Variants in ANO2 observed in about 807,000 individuals in gnomAD.
ANO2 encodes the protein anoctamin-2.
A neutral mutation model predicts 124.2 loss-of-function variants in ANO2; 101 were observed. The observed-to-expected ratio is 0.81, with a 90% CI of 0.69 to 0.96. The LOEUF is 0.96. ANO2 is among the 40% of genes least tolerant of loss of function. The pLI, the probability that ANO2 is intolerant of heterozygous loss-of-function variation, is 0.00. For missense variants in ANO2, 1,293 were observed against 1,274.5 expected, an observed-to-expected ratio of 1.01 and a Z score of -0.22; for synonymous variants, 486 against 482.5, an observed-to-expected ratio of 1.01 and a Z score of -0.09.
intron 16 of ANO2, among the ~76,000 whole-genome samples, chr12:5,617,486 C>T (rs1358481787): frequency 1.3e-5 from 2 of 151,704 alleles, no homozygotes; most frequent in Admixed American, 6.6e-5. Context: ...TTACGTCGTA[C>T]CGCACTCTCC....
chr12:5,917,750 G>A (rs1941469159), intron 3 of ANO2, among the ~76,000 whole-genome samples: 4 of 151,742 alleles, frequency 2.6e-5, no homozygotes, highest in Admixed American at 2.0e-4. Flanking sequence ...TGTATTTTTA[G>A]TAGAGACAGG....
At chr12:5,920,921 A>G in intron 3 of ANO2, 119 bp downstream of exon 3, 1 of 1,237,266 alleles carries the variant, frequency 8.1e-7, no homozygotes, top group South Asian at 1.6e-5. Context: ...CTCCAGCAGA[A>G]AAAAAAGTCC....
chr12:5,615,220 AG>A lies in ANO2; in HGVS notation c.1893del (p.Ser632ProfsTer54). On this transcript the variant is annotated frameshift_variant, in exon 17 of 25. Transcript: ENST00000682330. LOFTEE classifies it high-confidence loss of function. ...KAFLLKFVNA[Y>X]SPIFYVAFFK... is the part of the protein sequence containing the mutation. ...AAAAAGGCCACATAGAAGATGGGGG[AG>A]TAGGCATTGACAAACTTGAGCAAGA... The A allele has an allele frequency of 6.2e-7, 1 of 1,613,680 alleles. No individual in the cohort carries two copies. Among genetic ancestry groups the A allele is most frequent in the Non-Finnish European group, 8.5e-7 (1 of 1,179,754 alleles).
intron 10 of ANO2, among the ~76,000 whole-genome samples, chr12:5,796,527 ACT>A (rs2137157990): frequency 6.6e-6 from 1 of 151,732 alleles, no homozygotes; most frequent in South Asian, 2.1e-4. Flanking sequence ...ACATTCTCAC[ACT>A]CACACACACT....
intron 14 of ANO2, among the ~76,000 whole-genome samples, chr12:5,683,466 C>T (rs986980185): frequency 6.6e-6 from 1 of 152,020 alleles, no homozygotes; most frequent in Admixed American, 6.5e-5. Flanking sequence ...AGTTAAAAAA[C>T]AGACAAGCAA....
intron 11 of ANO2, among the ~76,000 whole-genome samples, chr12:5,747,487 A>T (rs1056701123): frequency 1.3e-5 from 2 of 152,202 alleles, no homozygotes; most frequent in Non-Finnish European, 2.9e-5. Context: ...TTTTAAAGAA[A>T]TCTATTAAAA....
At chr12:5,615,444 G>C (rs2277399) in intron 16 of ANO2, 147 bp from the exon 17 acceptor site, 129,949 of 606,606 alleles carry the variant, frequency 0.21, 14,711 homozygotes, top group African/African-American at 0.29. Flanking sequence ...TAGAACTGAA[G>C]TCATCTGGGA....
intron 14 of ANO2, among the ~76,000 whole-genome samples, chr12:5,731,316 T>C (rs903785854): frequency 6.6e-6 from 1 of 151,694 alleles, no homozygotes; most frequent in Non-Finnish European, 1.5e-5. Flanking sequence ...GGAAAAAAAA[T>C]AACTCAGAGG....
intron 19 of ANO2, among the ~76,000 whole-genome samples, chr12:5,603,400 A>G (rs368858897): frequency 5.9e-5 from 9 of 152,236 alleles, no homozygotes; most frequent in East Asian, 5.8e-4. Context: ...GGCCTAAGGC[A>G]GCGAAGTTCT....
intron 10 of ANO2, among the ~76,000 whole-genome samples, chr12:5,780,250 G>A (rs1274093513): frequency 6.6e-6 from 1 of 152,124 alleles, no homozygotes; most frequent in Non-Finnish European, 1.5e-5. Context: ...AAGAGTAAAT[G>A]TGGCAGATGT....
chr12:5,615,778 G>GA (rs1328479329), intron 16 of ANO2, among the ~76,000 whole-genome samples: 2 of 152,082 alleles, frequency 1.3e-5, no homozygotes, highest in Admixed American at 6.6e-5. Context: ...ATTTTTAGCA[G>GA]AAAAAATGCT....
At chr12:5,881,405 G>A (rs1019138530) in intron 3 of ANO2, among the ~76,000 whole-genome samples, 1 of 152,136 alleles carries the variant, frequency 6.6e-6, no homozygotes, top group Non-Finnish European at 1.5e-5. Flanking sequence ...CTGGAGCCAA[G>A]GGCACAGCCA....
intron 23 of ANO2, among the ~76,000 whole-genome samples, chr12:5,569,006 CT>C (rs1332021793): frequency 1.3e-5 from 2 of 152,248 alleles, no homozygotes; most frequent in African/African-American, 4.8e-5. Context: ...CTGGAGGTTA[CT>C]TATGGAATAC....
At chr12:5,880,964 G>A (rs144938808) in intron 3 of ANO2, among the ~76,000 whole-genome samples, 9 of 151,474 alleles carry the variant, frequency 5.9e-5, no homozygotes, top group Non-Finnish European at 8.8e-5. Context: ...GGATGGAAGC[G>A]CAACTATATT....
intron 11 of ANO2, among the ~76,000 whole-genome samples, chr12:5,747,255 CA>C (rs1951294875): frequency 6.6e-6 from 1 of 152,160 alleles, no homozygotes; most frequent in African/African-American, 2.4e-5. Flanking sequence ...ACAAAATTAG[CA>C]ACCTCTAAAA....
At chr12:5,650,125 G>C (rs1242231382) in intron 14 of ANO2, among the ~76,000 whole-genome samples, 5 of 152,122 alleles carry the variant, frequency 3.3e-5, no homozygotes, top group Non-Finnish European at 7.4e-5. Context: ...GACACAGTCT[G>C]AACAGTGCCA....
intron 14 of ANO2, among the ~76,000 whole-genome samples, chr12:5,674,884 T>C (rs552780640): frequency 3.0e-4 from 45 of 152,274 alleles, no homozygotes; most frequent in African/African-American, 1.0e-3. Flanking sequence ...GAGTAAATAG[T>C]ACTTATTTTA....
chr12:5,599,750 A>C (rs1943839822), intron 19 of ANO2, 121 bp from the exon 20 acceptor site: 1 of 1,108,820 alleles, frequency 9.0e-7, no homozygotes, highest in Non-Finnish European at 1.3e-6. Context: ...TCCAAAAACA[A>C]GTAGAGATAG....
intron 3 of ANO2, among the ~76,000 whole-genome samples, chr12:5,899,722 T>C (rs1591761978): frequency 6.6e-6 from 1 of 152,234 alleles, no homozygotes; most frequent in Non-Finnish European, 1.5e-5. Context: ...CAGATAACTG[T>C]TCTTAGAACC....
Sources: allele counts gnomAD v4.1 joint callset (sites outside exome capture counted in the v4.1 genomes callset), GRCh38; gene constraint gnomAD v4.1.1; transcripts MANE v1.5; gene names NCBI Gene and HGNC (gene_info 2026-07-23, HGNC 2026-07-21).